DNAH6: variants seen among roughly 807,000 people sequenced by gnomAD.
The protein encoded by DNAH6 is dynein axonemal heavy chain 6, also known as axonemal beta dynein heavy chain 6.
DNAH6 carries 340 observed loss-of-function variants against 491.4 expected under a neutral mutation model. That is an observed-to-expected ratio of 0.69 (90% CI 0.63 to 0.76). The LOEUF (loss-of-function observed/expected upper bound fraction) is 0.76. DNAH6 is among the 30% of genes least tolerant of loss of function. The pLI is 0.00. For missense variants in DNAH6, 4,443 were observed against 4,972.2 expected, an observed-to-expected ratio of 0.89 and a Z score of 3.20; for synonymous variants, 1,603 against 1,686.1, an observed-to-expected ratio of 0.95 and a Z score of 1.21.
In DNAH6 at chr2:84,733,573, C is replaced by T. The variant is rs1268268092; in HGVS notation, c.10336C>T (p.Arg3446Cys). The T allele has an allele frequency of 6.4e-6, 10 of 1,551,022 alleles. No homozygotes were observed. The highest frequency in any genetic ancestry group is 2.4e-5 in the East Asian group (1 of 40,918). ...QNILSHPISIRLGSFETYINP... is the reference protein window; with the variant it reads ...QNILSHPISICLGSFETYINP... Reference sequence around the variant, plus strand: ...TATATTGTCACATCCTATTTCCATACGCTTAGGTAATGTGACAAAAAGAAC... The same window carrying T: ...TATATTGTCACATCCTATTTCCATATGCTTAGGTAATGTGACAAAAAGAAC... Residue 3446 changes from arginine to cysteine, a missense_variant, in exon 62 of 77, where the codon CGC (arginine) becomes TGC (cysteine). Physicochemically the swap from Arg to Cys is radical, Grantham distance 180. Coordinates refer to ENST00000389394, the MANE Select transcript of DNAH6 (RefSeq NM_001370.2).
At chr2:84,628,386 G>T (rs770642315) in intron 29 of DNAH6, among the ~76,000 whole-genome samples, 1 of 152,020 alleles carries the variant, frequency 6.6e-6, no homozygotes, top group East Asian at 1.9e-4. Context: ...TGCTTTTTCC[G>T]GTTCCTGACA....
chr2:84,762,624 G>A (rs1052942844), intron 63 of DNAH6, 131 bp from the exon 64 acceptor site: 4 of 629,586 alleles, frequency 6.4e-6, no homozygotes, highest in Non-Finnish European at 1.1e-5. Context: ...ATAAAAAGAT[G>A]TATACCCAAT....
At chr2:84,813,228 T>C in intron 74 of DNAH6, 98 bp downstream of exon 74, 2 of 862,736 alleles carry the variant, frequency 2.3e-6, no homozygotes, top group Non-Finnish European at 3.7e-6. Flanking sequence ...GCTAATGCTC[T>C]AGCAATGAGG....
chr2:84,767,893 A>G (rs1675239185), intron 64 of DNAH6, among the ~76,000 whole-genome samples: 1 of 152,176 alleles, frequency 6.6e-6, no homozygotes, highest in African/African-American at 2.4e-5. Flanking sequence ...AAAAGAACAT[A>G]TTAAAAACAG....
the DNAH6 span, among the ~76,000 whole-genome samples, chr2:84,468,010 G>T: frequency 1.3e-5 from 2 of 152,090 alleles, no homozygotes; most frequent in African/African-American, 4.8e-5. Flanking sequence ...AAAAGTTAAA[G>T]AGGTGGTTTA....
Position 84,619,688 on chromosome 2 carries a change from T to G in DNAH6, c.3576T>G (p.Phe1192Leu). The G allele has an allele frequency of 6.4e-7, 1 of 1,551,140 alleles. No individual in the cohort carries two copies. Among genetic ancestry groups the G allele is most frequent in the South Asian group, 1.2e-5 (1 of 84,042 alleles). The stretch of plus-strand genomic sequence containing the variant: ...TTAAGGATGTTCTTTAATCCAGGTT[T>G]TACTTCTTGTCAAATGATGAACTTC... The part of the protein sequence containing the change: ...LESKRVIFPR[F>L]YFLSNDELLE... Residue 1192 changes from phenylalanine to leucine, a missense_variant, in exon 24 of 77, where the codon TTT (phenylalanine) becomes TTG (leucine). Around this residue, in one of 3 missense-constraint regions of DNAH6, gnomAD observed 2,977 missense variants for 3,296.6 expected, o/e 0.90. Transcript: ENST00000389394.
chr2:84,713,211 T>A lies in DNAH6; in HGVS notation c.9495T>A (p.Phe3165Leu), dbSNP rs1697218620. Residue 3165 changes from phenylalanine to leucine, a missense_variant, in exon 57 of 77, where the codon TTT becomes TTA. This residue lies in a region of DNAH6 where 1,463 missense variants were observed against 1,656.6 expected (regional missense o/e 0.88). Coordinates refer to ENST00000389394, the MANE Select transcript of DNAH6 (RefSeq NM_001370.2). ...CAGACATTGATTATGACAAAAACTT[T>A]AGGTTCTATATGACAACCAAAATGC... ...GDSDIDYDKN[F>L]RFYMTTKMPN... The A allele has an allele frequency of 6.4e-7, 1 of 1,552,208 alleles. No individual in the cohort carries two copies. The highest frequency in any genetic ancestry group is 1.2e-5 in the South Asian group (1 of 84,064).
chr2:84,811,079 T>C (rs750600512), intron 72 of DNAH6, among the ~76,000 whole-genome samples: 54 of 152,194 alleles, frequency 3.5e-4, no homozygotes, highest in Non-Finnish European at 7.1e-4. Context: ...TGCAGATGGT[T>C]CCTCAGATCC....
At chr2:84,627,136 A>G (rs186587996) in intron 29 of DNAH6, among the ~76,000 whole-genome samples, 52 of 152,294 alleles carry the variant, frequency 3.4e-4, no homozygotes, top group Non-Finnish European at 5.9e-4. Context: ...TGCAAATTAT[A>G]AAGCCCCACC....
At chr2:84,540,123 G>A (rs1678100326) in intron 4 of DNAH6, among the ~76,000 whole-genome samples, 1 of 152,124 alleles carries the variant, frequency 6.6e-6, no homozygotes, top group Non-Finnish European at 1.5e-5. Flanking sequence ...CTTAAAGCAG[G>A]TAAGGAATAA....
chr2:84,642,247 GT>G (rs533545813), intron 33 of DNAH6, among the ~76,000 whole-genome samples, 193 bp downstream of exon 33: 3 of 152,142 alleles, frequency 2.0e-5, no homozygotes, highest in South Asian at 4.2e-4. Flanking sequence ...AATCATTTGT[GT>G]TTTTTTATCA....
rs762507513 is a variant in DNAH6, at chr2:84,640,615, C to T, written c.4970+37C>T. On this transcript the variant is annotated intron_variant, in intron 32 of 76. Coordinates refer to ENST00000389394, the MANE Select transcript of DNAH6 (RefSeq NM_001370.2). ...AAGTAGTCAAGAGTGAAATCCCAAA[C>T]CATGTGATCAAATGCATTAAATGGG... 7 of 1,526,574 alleles carry T rather than the reference C, an allele frequency of 4.6e-6. No homozygotes were observed. The South Asian group carries it at 5.0e-5, about 11-fold the overall frequency. 94.6% of individuals were successfully genotyped at this position (1,526,574 alleles called of 1,614,324 possible).
In DNAH6 at chr2:84,697,725, G is replaced by A. The variant is rs750599099; in HGVS notation, c.7675G>A (p.Glu2559Lys). ...AGGAATTTCTGAGGGGAACAGAGAC[G>A]AGGTAGGATGTGCCAGAGTAGTTAT... The part of the protein sequence containing the change: ...EVGISEGNRD[E>K]VFQYFISKVR... The change falls in exon 47 of 77, where the codon GAG becomes AAG. Residue 2559 changes from glutamate (E) to lysine (K), a missense_variant and splice_region_variant. Around this residue, in one of 3 missense-constraint regions of DNAH6, gnomAD observed 2,977 missense variants for 3,296.6 expected, o/e 0.90. Coordinates refer to ENST00000389394, the MANE Select transcript of DNAH6 (RefSeq NM_001370.2). 115 of 1,551,528 alleles carry A rather than the reference G, an allele frequency of 7.4e-5. No homozygotes were observed. Among genetic ancestry groups the A allele is most frequent in the Non-Finnish European group, 2.6e-5 (30 of 1,146,962 alleles).
At chr2:84,667,143 C>T (rs1360326578) in intron 37 of DNAH6, among the ~76,000 whole-genome samples, 1 of 152,116 alleles carries the variant, frequency 6.6e-6, no homozygotes, top group Non-Finnish European at 1.5e-5. Context: ...ACCATAAAAA[C>T]CCTAGAAGAA....
chr2:84,585,100 A>G (rs1208907202), intron 15 of DNAH6, among the ~76,000 whole-genome samples: 1 of 152,184 alleles, frequency 6.6e-6, no homozygotes, highest in Non-Finnish European at 1.5e-5. Context: ...CCTATTTCTC[A>G]AGCAGTGTTC....
chr2:84,596,623 G>T (rs537296714), intron 18 of DNAH6, among the ~76,000 whole-genome samples: 5 of 151,054 alleles, frequency 3.3e-5, no homozygotes, highest in African/African-American at 1.2e-4. Context: ...GAGCCACTGC[G>T]CCTGGACAAT....
chr2:84,547,848 T>C (rs1398841455), intron 7 of DNAH6, among the ~76,000 whole-genome samples: 1 of 152,338 alleles, frequency 6.6e-6, no homozygotes, highest in East Asian at 1.9e-4. Flanking sequence ...ATACAGAATC[T>C]TGATTAATAA....
rs1299292634 is a variant in DNAH6, at chr2:84,553,366, TTTCTTTC to T, written c.1602+335_1602+341del. 5.5e-3 allele frequency among the ~76,000 whole-genome samples: 52 copies of T among 9,394 alleles called. 1 individual carries two copies. Among genetic ancestry groups the T allele is most frequent in the African/African-American group, 0.019 (48 of 2,544 alleles). The allele number at this position is 9,394 out of a possible 152,430, so 6.2% of individuals were successfully genotyped here. A position where few individuals can be genotyped will look rare whatever the true frequency, so the allele number is the denominator to read the frequency against. On this transcript the variant is annotated intron_variant, in intron 10 of 76. Transcript: ENST00000389394. ...TTTCCTTTCTTTTCTTTTCTTTTCT[TTTCTTTC>T]TTTCTTTCTTTCTTTCTTTCTTTCT... is the stretch of plus-strand genomic sequence containing the variant.
chr2:84,604,091 C>T (rs762969960), intron 18 of DNAH6, among the ~76,000 whole-genome samples: 2 of 152,184 alleles, frequency 1.3e-5, no homozygotes, highest in African/African-American at 2.4e-5. Context: ...GTTGCTGTTT[C>T]TCCTTGTGGA....
Sources: allele counts gnomAD v4.1 joint callset (sites outside exome capture counted in the v4.1 genomes callset), GRCh38; gene constraint gnomAD v4.1.1; regional missense constraint gnomAD v4.1.1; transcripts MANE v1.5; gene names NCBI Gene and HGNC (gene_info 2026-07-23, HGNC 2026-07-21).